The following ZNF609 variants were observed in gnomAD, a reference collection of about 807,000 sequenced individuals.
The protein encoded by ZNF609 is zinc finger protein 609.
In ZNF609, 11 loss-of-function variants were observed where a neutral mutation model predicts 109.5. The ratio of observed to expected loss-of-function variants is 0.10; its 90% confidence interval spans 0.06 to 0.17. ZNF609 has a LOEUF of 0.17. Ranked by LOEUF, ZNF609 falls within the 10% of genes least tolerant of loss-of-function variation. ZNF609 has a pLI of 1.00. For missense variants in ZNF609, 1,559 were observed against 1,772.4 expected (o/e 0.88, Z 2.16); for synonymous variants, 646 against 662.0 (o/e 0.98, Z 0.37).
chr15:64,594,456 C>T (rs908828128), intron 2 of ZNF609, among the ~76,000 whole-genome samples: 1 of 151,896 alleles, frequency 6.6e-6, no homozygotes, highest in Non-Finnish European at 1.5e-5. Context: ...CCTCAGCCAC[C>T]TCAGTAGCTG....
chr15:64,669,300 G>A (rs962120735), intron 3 of ZNF609, among the ~76,000 whole-genome samples: 1 of 152,162 alleles, frequency 6.6e-6, no homozygotes, highest in South Asian at 2.1e-4. Flanking sequence ...AATAGCAGAA[G>A]ATTGAAACAA....
chr15:64,540,463 G>C (rs1172269148), intron 2 of ZNF609, among the ~76,000 whole-genome samples: 1 of 151,864 alleles, frequency 6.6e-6, no homozygotes, highest in African/African-American at 2.4e-5. Context: ...GGAGTGCAGT[G>C]GTGCAATCTT....
intron 2 of ZNF609, chr15:64,500,671 T>C: frequency 2.0e-6 from 1 of 508,398 alleles, no homozygotes; most frequent in Non-Finnish European, 3.5e-6. Context: ...ATCTACGAAG[T>C]GTTCTATTGC....
chr15:64,478,866 T>C (rs1173160827), intron 1 of ZNF609, among the ~76,000 whole-genome samples: 4 of 152,212 alleles, frequency 2.6e-5, no homozygotes, highest in African/African-American at 7.2e-5. Context: ...GTACATAACA[T>C]ATTACTGATA....
chr15:64,590,820 A>G (rs1895280676), intron 2 of ZNF609, among the ~76,000 whole-genome samples: 2 of 152,118 alleles, frequency 1.3e-5, no homozygotes, highest in Admixed American at 1.3e-4. Flanking sequence ...TATACTAACC[A>G]TAACCATTTT....
chr15:64,675,898 A>G lies in ZNF609; in HGVS notation c.3044A>G (p.Glu1015Gly). 1 of 1,614,244 alleles carries G rather than the reference A, an allele frequency of 6.2e-7. No individual in the cohort carries two copies. Among genetic ancestry groups the G allele is most frequent in the Admixed American group, 1.7e-5 (1 of 60,024 alleles). Residue 1015 changes from glutamate to glycine, a missense_variant, in exon 5 of 10, where the codon GAG (glutamate) becomes GGG (glycine). Coordinates refer to ENST00000326648, the MANE Select transcript of ZNF609 (RefSeq NM_015042.2). ...GAACAGCAGAAACGCCAGAGCTTAG[A>G]GCAGCAGCAGCGGGGAGTGGACAAG... The part of the protein sequence containing the change: ...YEEQQKRQSL[E>G]QQQRGVDKKA...
At chr15:64,496,185 A>G (rs1427603805) in intron 1 of ZNF609, among the ~76,000 whole-genome samples, 1 of 152,198 alleles carries the variant, frequency 6.6e-6, no homozygotes, top group African/African-American at 2.4e-5. Flanking sequence ...GCAGCAGGGC[A>G]GGCAGTACAG....
chr15:64,537,534 CA>C (rs1894173439), intron 2 of ZNF609, among the ~76,000 whole-genome samples: 1 of 148,736 alleles, frequency 6.7e-6, no homozygotes, highest in Non-Finnish European at 1.5e-5. Flanking sequence ...AAAAAAAGAG[CA>C]GAGTGAGACT....
intron 2 of ZNF609, among the ~76,000 whole-genome samples, chr15:64,506,201 T>G (rs1893634871): frequency 1.3e-5 from 2 of 151,162 alleles, no homozygotes; most frequent in Non-Finnish European, 2.9e-5. Flanking sequence ...CAGGCTGGAG[T>G]GCAGTGGTGC....
At chr15:64,557,190 CTT>C (rs11307309) in intron 2 of ZNF609, among the ~76,000 whole-genome samples, 4,993 of 141,514 alleles carry the variant, frequency 0.035, 128 homozygotes, top group African/African-American at 0.071. Context: ...TCTTATTCTT[CTT>C]TTTTTTTTTT....
intron 2 of ZNF609, among the ~76,000 whole-genome samples, chr15:64,576,941 A>C (rs867420467): frequency 1.6e-5 from 2 of 127,894 alleles, no homozygotes; most frequent in African/African-American, 5.4e-5. Flanking sequence ...TATACATATA[A>C]ATATATACAT....
At chr15:64,567,658 T>G (rs1408452280) in intron 2 of ZNF609, among the ~76,000 whole-genome samples, 1 of 152,072 alleles carries the variant, frequency 6.6e-6, no homozygotes, top group Non-Finnish European at 1.5e-5. Flanking sequence ...CAACATTTAT[T>G]TTTTATTTAT....
chr15:64,498,872 C>T (rs1189404538), intron 1 of ZNF609, among the ~76,000 whole-genome samples: 1 of 152,088 alleles, frequency 6.6e-6, no homozygotes, highest in Non-Finnish European at 1.5e-5. Context: ...TCATGTTCTG[C>T]GTCTCTGATA....
intron 2 of ZNF609, among the ~76,000 whole-genome samples, chr15:64,561,188 A>G (rs946655752): frequency 2.0e-5 from 3 of 152,108 alleles, no homozygotes; most frequent in Admixed American, 1.3e-4. Flanking sequence ...ATACTCCTTT[A>G]TCTAACGTGG....
intron 7 of ZNF609, 45 bp from the exon 8 acceptor site, chr15:64,680,601 A>G (rs1567047065): frequency 6.8e-7 from 1 of 1,469,830 alleles, no homozygotes; most frequent in Non-Finnish European, 9.3e-7. Flanking sequence ...TTGTATGCAT[A>G]TGTGTCTCAC....
intron 2 of ZNF609, among the ~76,000 whole-genome samples, chr15:64,526,368 A>G (rs1033951654): frequency 1.3e-5 from 2 of 151,938 alleles, no homozygotes; most frequent in Non-Finnish European, 2.9e-5. Context: ...AGGATTTTCT[A>G]TATATGAGAT....
At chr15:64,629,249 T>C (rs1457336219) in intron 3 of ZNF609, among the ~76,000 whole-genome samples, 1 of 152,202 alleles carries the variant, frequency 6.6e-6, no homozygotes, top group African/African-American at 2.4e-5. Flanking sequence ...CTGTAGCAGC[T>C]GGTGCCCTGC....
chr15:64,607,188 AAAAT>A (rs1184151914), intron 2 of ZNF609, among the ~76,000 whole-genome samples: 2 of 150,766 alleles, frequency 1.3e-5, no homozygotes, highest in South Asian at 2.1e-4. Context: ...TAAAGTAAAA[AAAAT>A]AAATAAATAA....
At position 64,576,960 on chromosome 15, in the gene ZNF609, ATATACACATAAATATATATATGTATG is replaced by A. The variant is rs1567018996; in HGVS notation, c.748-45815_748-45790del. On this transcript the variant is annotated intron_variant, in intron 2 of 9. Coordinates refer to ENST00000326648, the MANE Select transcript of ZNF609 (RefSeq NM_015042.2). ...CATATAAATATATACATATATGTAT[ATATACACATAAATATATATATGTATG>A]TATACACATAAATATATATATGTAT... Among the ~76,000 whole-genome samples, 68 of 140,498 alleles carry A rather than the reference ATATACACATAAATATATATATGTATG, an allele frequency of 4.8e-4. 2 individuals are homozygous for A. Among genetic ancestry groups the A allele is most frequent in the East Asian group, 3.8e-3 (19 of 5,052 alleles). 92.2% of individuals were successfully genotyped at this position (140,498 alleles called of 152,430 possible).
Sources: allele counts gnomAD v4.1 joint callset (sites outside exome capture counted in the v4.1 genomes callset), GRCh38; gene constraint gnomAD v4.1.1; transcripts MANE v1.5; gene names NCBI Gene and HGNC (gene_info 2026-07-23, HGNC 2026-07-21).